KPNA3: variants seen among roughly 807,000 people sequenced by gnomAD.
The protein encoded by KPNA3 is importin subunit alpha-4.
In KPNA3, 13 loss-of-function variants were observed where a neutral mutation model predicts 73.8. The observed-to-expected ratio is 0.18, with a 90% CI of 0.11 to 0.28. KPNA3 has a LOEUF of 0.28. Among genes scored for constraint, KPNA3 ranks in the 10% least tolerant of loss-of-function variants. KPNA3 has a pLI of 1.00. For missense variants in KPNA3, 360 were observed against 618.1 expected (o/e 0.58, Z 4.43); for synonymous variants, 186 against 206.9 (o/e 0.90, Z 0.87).
At chr13:49,710,288 C>T (rs947059019) in intron 11 of KPNA3, among the ~76,000 whole-genome samples, 4 of 152,048 alleles carry the variant, frequency 2.6e-5, no homozygotes, top group East Asian at 1.9e-4. Context: ...TTTTAATAAA[C>T]GCCTGGAATG....
intron 1 of KPNA3, among the ~76,000 whole-genome samples, chr13:49,756,472 G>T (rs1581744): frequency 1.3e-5 from 2 of 151,796 alleles, no homozygotes; most frequent in Non-Finnish European, 2.9e-5. Context: ...CAGGAGGACC[G>T]CTTGTGTCCA....
At chr13:49,714,133 T>A (rs527534211) in intron 10 of KPNA3, among the ~76,000 whole-genome samples, 1 of 152,006 alleles carries the variant, frequency 6.6e-6, no homozygotes, top group African/African-American at 2.4e-5. Flanking sequence ...TCTGAACCCA[T>A]AGAATGCACA....
At chr13:49,746,533 A>G (rs1228783492) in intron 2 of KPNA3, among the ~76,000 whole-genome samples, 3 of 152,236 alleles carry the variant, frequency 2.0e-5, no homozygotes, top group African/African-American at 7.2e-5. Flanking sequence ...AAAATCCTCC[A>G]AAAATAATGG....
chr13:49,702,500 C>A lies in KPNA3; in HGVS notation c.1373-20G>T. The A allele has an allele frequency of 7.9e-7, 1 of 1,269,022 alleles. No individual in the cohort carries two copies. The highest frequency in any genetic ancestry group is 1.1e-6 in the Non-Finnish European group (1 of 881,676). 78.6% of individuals were successfully genotyped at this position (1,269,022 alleles called of 1,614,324 possible). On this transcript the variant is annotated intron_variant, in intron 15 of 16. Coordinates refer to ENST00000261667, the MANE Select transcript of KPNA3 (RefSeq NM_002267.4). ...CCAAACCTGGTAAAAATAAAATAAT[C>A]AAAATAACTGGTTAATTGATAAGGA...
intron 12 of KPNA3, among the ~76,000 whole-genome samples, chr13:49,706,996 G>A (rs764676541): frequency 1.3e-5 from 2 of 152,010 alleles, no homozygotes; most frequent in South Asian, 2.1e-4. Flanking sequence ...TGATCCACCC[G>A]CCTAGGCCTC....
intron 2 of KPNA3, among the ~76,000 whole-genome samples, chr13:49,741,390 G>T (rs1285890384): frequency 6.6e-6 from 1 of 151,152 alleles, no homozygotes; most frequent in Non-Finnish European, 1.5e-5. Context: ...TAGTAATGTT[G>T]AACAATTTTT....
At chr13:49,788,126 G>A (rs563532998) in intron 1 of KPNA3, among the ~76,000 whole-genome samples, 1 of 152,322 alleles carries the variant, frequency 6.6e-6, no homozygotes, top group African/African-American at 2.4e-5. Context: ...CTTGATATAG[G>A]ACTGTTGTGA....
chr13:49,709,533 C>T (rs1954240718), intron 12 of KPNA3, 39 bp downstream of exon 12: 3 of 1,515,202 alleles, frequency 2.0e-6, no homozygotes, highest in Non-Finnish European at 1.8e-6. Flanking sequence ...AAATGAGACA[C>T]AGAAAGAAAT....
chr13:49,743,260 G>T (rs1954589727), intron 2 of KPNA3, among the ~76,000 whole-genome samples: 1 of 152,090 alleles, frequency 6.6e-6, no homozygotes. Context: ...AAAACAATGT[G>T]ATTCTCTCCT....
At chr13:49,728,183 T>C (rs1171894895) in intron 6 of KPNA3, among the ~76,000 whole-genome samples, 1 of 147,582 alleles carries the variant, frequency 6.8e-6, no homozygotes, top group Non-Finnish European at 1.5e-5. Flanking sequence ...TGCAGTGAGC[T>C]GATATCGTGC....
intron 12 of KPNA3, among the ~76,000 whole-genome samples, chr13:49,707,943 T>C (rs533717225): frequency 5.9e-5 from 9 of 152,188 alleles, no homozygotes; most frequent in Admixed American, 3.3e-4. Context: ...GGTAGTATAT[T>C]AGGCAGATAA....
chr13:49,700,556 C>T lies in KPNA3; in HGVS notation c.*1244G>A, dbSNP rs1954138035. On this transcript the variant is annotated 3_prime_UTR_variant, in exon 17 of 17. Coordinates refer to ENST00000261667, the MANE Select transcript of KPNA3 (RefSeq NM_002267.4). ...AAATCAGGTTTATGTTAAATAACTG[C>T]AAATTACTCCTCTACACAGATCCCT... The T allele has an allele frequency of 6.6e-6, 1 of 152,552 alleles. No homozygotes were observed. Among genetic ancestry groups the T allele is most frequent in the Non-Finnish European group, 1.5e-5 (1 of 68,012 alleles). 9.4% of individuals were successfully genotyped at this position (152,552 alleles called of 1,614,324 possible).
At chr13:49,730,251 G>A (rs1954449716) in intron 6 of KPNA3, among the ~76,000 whole-genome samples, 1 of 152,166 alleles carries the variant, frequency 6.6e-6, no homozygotes, top group Non-Finnish European at 1.5e-5. Context: ...AGGGGCCCTA[G>A]GCCGGGCCCA....
At chr13:49,778,042 T>C (rs79653571) in intron 1 of KPNA3, among the ~76,000 whole-genome samples, 1,552 of 152,272 alleles carry the variant, frequency 0.01, 42 homozygotes, top group East Asian at 0.095. Flanking sequence ...ACACTGAAAC[T>C]ACCATATGTC....
chr13:49,706,023 G>T, intron 14 of KPNA3, 75 bp downstream of exon 14: 1 of 1,303,858 alleles, frequency 7.7e-7, no homozygotes, highest in Non-Finnish European at 1.1e-6. Context: ...AATACAGTCA[G>T]CAACTACGAA....
chr13:49,722,750 C>A (rs1209680173), intron 7 of KPNA3, among the ~76,000 whole-genome samples, 187 bp from the exon 8 acceptor site: 1 of 148,276 alleles, frequency 6.7e-6, no homozygotes, highest in African/African-American at 2.5e-5. Flanking sequence ...AGTACCGTAA[C>A]CAACTGGCAG....
At chr13:49,769,534 A>G (rs1312169081) in intron 1 of KPNA3, among the ~76,000 whole-genome samples, 1 of 152,198 alleles carries the variant, frequency 6.6e-6, no homozygotes, top group Non-Finnish European at 1.5e-5. Context: ...GAATCATATA[A>G]TATGTGGACT....
At chr13:49,734,809 CTCT>C (rs1743502769) in intron 2 of KPNA3, among the ~76,000 whole-genome samples, 1 of 152,006 alleles carries the variant, frequency 6.6e-6, no homozygotes, top group African/African-American at 2.4e-5. Context: ...AATTTTCTAT[CTCT>C]TCTTGTGTTT....
At chr13:49,728,507 A>G (rs193128151) in intron 6 of KPNA3, among the ~76,000 whole-genome samples, 87 of 152,316 alleles carry the variant, frequency 5.7e-4, no homozygotes, top group African/African-American at 2.0e-3. Flanking sequence ...CAGAGCTTCC[A>G]ATGAAAATTT....
Sources: gnomAD v4.1 joint callset for allele counts (sites outside exome capture counted in the v4.1 genomes callset) on GRCh38, gnomAD v4.1.1 for gene constraint, MANE v1.5 for transcripts, NCBI Gene and HGNC (gene_info 2026-07-23, HGNC 2026-07-21) for gene names.